TRPC7: variants seen among roughly 807,000 people sequenced by gnomAD.
The protein encoded by TRPC7 is transient receptor potential cation channel subfamily C member 7.
TRPC7 carries 42 observed loss-of-function variants against 90.1 expected under a neutral mutation model. The observed-to-expected ratio is 0.47, with a 90% CI of 0.36 to 0.60. The LOEUF is 0.60. Among genes scored for constraint, TRPC7 ranks in the 20% least tolerant of loss-of-function variants. TRPC7 has a pLI of 0.00. For missense variants in TRPC7, 955 were observed against 1,112.3 expected, an observed-to-expected ratio of 0.86 and a Z score of 2.01; for synonymous variants, 451 against 436.3, an observed-to-expected ratio of 1.03 and a Z score of -0.42.
At chr5:136,216,033 C>T (rs531976613) in intron 11 of TRPC7, among the ~76,000 whole-genome samples, 167 bp downstream of exon 11, 456 of 152,186 alleles carry the variant, frequency 3.0e-3, no homozygotes, top group African/African-American at 0.011. Context: ...CCTGCAGCCC[C>T]GTGGAAATGC....
At position 136,218,277 on chromosome 5, in the gene TRPC7, A is replaced by G. The variant is rs768910356; in HGVS notation, c.2344-2002T>C. Among the ~76,000 whole-genome samples the G allele has an allele frequency of 2.4e-4, 37 of 151,102 alleles. 1 individual carries two copies. The highest frequency in any genetic ancestry group is 5.9e-5 in the Non-Finnish European group (4 of 67,850). ...GCTGCTTTCACTTTGAGTTGGAAAA[A>G]CAAAACAAGACAAAAACTTTGTCCT... On this transcript the variant is annotated intron_variant, in intron 10 of 11. Coordinates refer to ENST00000513104, the MANE Select transcript of TRPC7 (RefSeq NM_020389.3).
At position 136,267,984 on chromosome 5, in the gene TRPC7, T is replaced by C. The variant is rs923466641; in HGVS notation, c.1129-1548A>G. 1.3e-3 allele frequency among the ~76,000 whole-genome samples: 192 copies of C among 152,360 alleles called. 1 individual carries two copies. Among genetic ancestry groups the C allele is most frequent in the African/African-American group, 4.4e-3 (182 of 41,590 alleles). Reference sequence around the variant, plus strand: ...TGGCAATAGACAGATGTGCTAGTTATAGAATGCAGTGGCATTCTATAGGGC... The same window carrying C: ...TGGCAATAGACAGATGTGCTAGTTACAGAATGCAGTGGCATTCTATAGGGC... On this transcript the variant is annotated intron_variant, in intron 4 of 11. Coordinates refer to ENST00000513104, the MANE Select transcript of TRPC7 (RefSeq NM_020389.3).
intron 7 of TRPC7, among the ~76,000 whole-genome samples, chr5:136,235,126 A>C (rs1248608107): frequency 6.6e-6 from 1 of 152,230 alleles, no homozygotes; most frequent in Non-Finnish European, 1.5e-5. Flanking sequence ...ACACATGAAA[A>C]ACATAATAAG....
At chr5:136,364,253 G>A (rs1760657452) in intron 1 of TRPC7, among the ~76,000 whole-genome samples, 1 of 152,158 alleles carries the variant, frequency 6.6e-6, no homozygotes, top group Non-Finnish European at 1.5e-5. Flanking sequence ...CTGCCTAAAG[G>A]AGTTATCTAG....
At chr5:136,308,563 G>C (rs1444194763) in intron 3 of TRPC7, among the ~76,000 whole-genome samples, 1 of 152,184 alleles carries the variant, frequency 6.6e-6, no homozygotes, top group Non-Finnish European at 1.5e-5. Flanking sequence ...GATGTCCCCA[G>C]GTCCCCTTTG....
At chr5:136,321,909 T>A (rs1759210959) in intron 2 of TRPC7, among the ~76,000 whole-genome samples, 1 of 152,206 alleles carries the variant, frequency 6.6e-6, no homozygotes, top group African/African-American at 2.4e-5. Flanking sequence ...ATCCACTATA[T>A]GGATGTATTA....
At chr5:136,332,028 G>A (rs757144880) in intron 2 of TRPC7, among the ~76,000 whole-genome samples, 96 of 152,258 alleles carry the variant, frequency 6.3e-4, no homozygotes, top group Non-Finnish European at 1.1e-3. Context: ...AGAGAAGAAC[G>A]TGGTGGGATG....
In TRPC7 at chr5:136,247,573, T is replaced by G; in HGVS notation, c.1742A>C (p.Lys581Thr). The change falls in exon 7 of 12, where the codon AAG (lysine) becomes ACG (threonine). Residue 581 changes from lysine (K) to threonine (T), a missense_variant. Physicochemically the swap from Lys to Thr is moderately conservative, Grantham distance 78. Around this residue, in one of 4 missense-constraint regions of TRPC7, gnomAD observed 296 missense variants for 422.7 expected, o/e 0.70. Transcript: ENST00000513104. This position sits in a 1 kb window ranked among gnomAD's most constrained non-coding sequence, Gnocchi z 4.2. ...TACCATGATGAAAATGACCATGAAC[T>G]TGAAGATATCTTTCACAGTTCTCCC... ...SLGRTVKDIF[K>T]FMVIFIMVFV... 1 of 1,613,990 alleles carries G rather than the reference T, an allele frequency of 6.2e-7. No homozygotes were observed. The highest frequency in any genetic ancestry group is 8.5e-7 in the Non-Finnish European group (1 of 1,179,896).
chr5:136,319,334 CT>C (rs1759119719), intron 2 of TRPC7, among the ~76,000 whole-genome samples: 1 of 152,184 alleles, frequency 6.6e-6, no homozygotes, highest in Non-Finnish European at 1.5e-5. Flanking sequence ...ACCATCTCCT[CT>C]GCTTATGTGC....
At chr5:136,280,324 C>T (rs1757508311) in intron 3 of TRPC7, among the ~76,000 whole-genome samples, 1 of 152,198 alleles carries the variant, frequency 6.6e-6, no homozygotes, top group Admixed American at 6.5e-5. Flanking sequence ...TAGACATACT[C>T]TTGTGACCAC....
intron 2 of TRPC7, among the ~76,000 whole-genome samples, chr5:136,322,858 A>T (rs939709167): frequency 2.0e-5 from 3 of 152,182 alleles, no homozygotes; most frequent in Non-Finnish European, 4.4e-5. Context: ...AGAGTTCTTT[A>T]TATATTCAGG....
chr5:136,297,830 C>T (rs1561707320), intron 3 of TRPC7, among the ~76,000 whole-genome samples: 1 of 152,168 alleles, frequency 6.6e-6, no homozygotes, highest in Non-Finnish European at 1.5e-5. Flanking sequence ...GACTGCTTTC[C>T]TATTCATCTC....
At position 136,247,721 on chromosome 5, in the gene TRPC7, A is replaced by T. The variant is rs746044605; in HGVS notation, c.1594T>A (p.Trp532Arg). Residue 532 changes from tryptophan to arginine, a missense_variant, in exon 7 of 12, where the codon TGG (tryptophan) becomes AGG (arginine). By Grantham distance (101) the Trp-to-Arg change is moderately radical. This residue lies in a region of TRPC7 where 296 missense variants were observed against 422.7 expected (regional missense o/e 0.70). Coordinates refer to ENST00000513104, the MANE Select transcript of TRPC7 (RefSeq NM_020389.3). This position sits in a 1 kb window ranked among gnomAD's most constrained non-coding sequence, Gnocchi z 4.2. ...GATATGATCTGAGGGTCTGAAGGCC[A>T]CCACTTGTCCCTGGCTAAAAGAAAA... is the stretch of plus-strand genomic sequence containing the variant. ...AYFTYARDKW[W>R]PSDPQIISEG... 1.2e-6 allele frequency: 2 copies of T among 1,612,466 alleles called. No individual in the cohort carries two copies. The highest frequency in any genetic ancestry group is 2.2e-5 in the South Asian group (2 of 91,008).
intron 3 of TRPC7, among the ~76,000 whole-genome samples, chr5:136,304,747 T>A (rs1376267059): frequency 6.6e-6 from 1 of 152,190 alleles, no homozygotes; most frequent in East Asian, 1.9e-4. Flanking sequence ...TATCTCGGCA[T>A]AATTCTCATA....
chr5:136,227,003 G>A (rs1388966903), intron 8 of TRPC7, among the ~76,000 whole-genome samples: 1 of 152,216 alleles, frequency 6.6e-6, no homozygotes, highest in Non-Finnish European at 1.5e-5. Context: ...TTATTAGACA[G>A]TATATTTCTT....
chr5:136,303,000 C>T (rs1370031693), intron 3 of TRPC7, among the ~76,000 whole-genome samples: 2 of 152,114 alleles, frequency 1.3e-5, no homozygotes, highest in Non-Finnish European at 2.9e-5. Context: ...CCTAATTCTT[C>T]CTCAGCCTCC....
intron 2 of TRPC7, among the ~76,000 whole-genome samples, chr5:136,337,301 T>A (rs979419752): frequency 6.6e-6 from 1 of 152,234 alleles, no homozygotes; most frequent in Admixed American, 6.5e-5. Flanking sequence ...TTGCTCCTGA[T>A]TTTTTTAGCT....
chr5:136,269,504 C>G (rs1349053617), intron 4 of TRPC7, among the ~76,000 whole-genome samples: 2 of 152,206 alleles, frequency 1.3e-5, no homozygotes, highest in African/African-American at 2.4e-5. Context: ...AAATATAGCC[C>G]TGTGGCTGTG....
At chr5:136,236,306 T>C (rs1755979523) in intron 7 of TRPC7, among the ~76,000 whole-genome samples, 1 of 152,206 alleles carries the variant, frequency 6.6e-6, no homozygotes, top group Non-Finnish European at 1.5e-5. Context: ...GCCCCTCAGG[T>C]GCTTCTGCAC....
Sources: allele counts gnomAD v4.1 joint callset (sites outside exome capture counted in the v4.1 genomes callset), GRCh38; gene constraint gnomAD v4.1.1; regional missense constraint gnomAD v4.1.1; non-coding constraint Gnocchi (gnomAD v3.1); transcripts MANE v1.5; gene names NCBI Gene and HGNC (gene_info 2026-07-23, HGNC 2026-07-21).